Variants in ROBO1 observed in about 807,000 individuals in gnomAD.
ROBO1 encodes roundabout guidance receptor 1, also known as roundabout homolog 1.
A neutral mutation model predicts 195.9 loss-of-function variants in ROBO1; 149 were observed. That is an observed-to-expected ratio of 0.76 (90% CI 0.67 to 0.87). The LOEUF is 0.87. Ranked by LOEUF, ROBO1 falls within the 40% of genes least tolerant of loss-of-function variation. The probability of loss-of-function intolerance (pLI) is 0.00; values close to 1 mark genes in which losing one functional copy is unlikely to be tolerated. For missense variants in ROBO1, 1,933 were observed against 2,068.3 expected (o/e 0.93, Z 1.27); for synonymous variants, 816 against 733.2 (o/e 1.11, Z -1.82).
At chr3:78,780,310 G>A (rs1350254973) in intron 4 of ROBO1, among the ~76,000 whole-genome samples, 1 of 152,124 alleles carries the variant, frequency 6.6e-6, no homozygotes, top group African/African-American at 2.4e-5. Flanking sequence ...ACAGCTACGT[G>A]TTAAAGCAGC....
rs2081704097 is a variant in ROBO1 at position 78,711,356 on chromosome 3, TTCCTTCCTTCCTTC to T, written c.1045+3027_1045+3040del. On this transcript the variant is annotated intron_variant, in intron 8 of 30. Transcript: ENST00000464233. The stretch of plus-strand genomic sequence containing the variant: ...CCTTCCTTCCTTCCTTCCTCCTTCC[TTCCTTCCTTCCTTC>T]CTTCCTTCCTTCCTTCCTTCCTTCC... Among the ~76,000 whole-genome samples the T allele has an allele frequency of 2.7e-4, 11 of 40,238 alleles. 1 individual carries two copies. Among genetic ancestry groups the T allele is most frequent in the African/African-American group, 1.0e-3 (8 of 7,646 alleles). 26.4% of individuals were successfully genotyped at this position (40,238 alleles called of 152,430 possible). A position where few individuals can be genotyped will look rare whatever the true frequency, so the allele number is the denominator to read the frequency against.
intron 2 of ROBO1, among the ~76,000 whole-genome samples, chr3:79,466,112 T>C (rs1443765279): frequency 1.3e-5 from 2 of 152,138 alleles, no homozygotes; most frequent in African/African-American, 2.4e-5. Flanking sequence ...ATTTATTTTC[T>C]CTGTGACCAA....
chr3:79,728,578 G>C (rs1304540408), intron 1 of ROBO1, among the ~76,000 whole-genome samples: 1 of 152,028 alleles, frequency 6.6e-6, no homozygotes, highest in African/African-American at 2.4e-5. Flanking sequence ...TTTAATACTA[G>C]TATTTATAAT....
intron 1 of ROBO1, among the ~76,000 whole-genome samples, chr3:79,709,119 A>G (rs1702176583): frequency 6.6e-6 from 1 of 152,174 alleles, no homozygotes; most frequent in Non-Finnish European, 1.5e-5. Flanking sequence ...AAATAGACAC[A>G]TTTTAACTTA....
chr3:79,184,420 A>G (rs2081399480), intron 2 of ROBO1, among the ~76,000 whole-genome samples: 1 of 152,166 alleles, frequency 6.6e-6, no homozygotes, highest in African/African-American at 2.4e-5. Context: ...TGTCAACTGA[A>G]CTAGTACAAT....
At chr3:79,348,705 C>T (rs2035227323) in intron 2 of ROBO1, among the ~76,000 whole-genome samples, 1 of 152,174 alleles carries the variant, frequency 6.6e-6, no homozygotes, top group Non-Finnish European at 1.5e-5. Flanking sequence ...GAACACTTTT[C>T]AGTGACAACT....
At chr3:78,697,881 T>G (rs1286289500) in intron 8 of ROBO1, among the ~76,000 whole-genome samples, 1 of 152,190 alleles carries the variant, frequency 6.6e-6, no homozygotes, top group African/African-American at 2.4e-5. Flanking sequence ...CGAATGCATC[T>G]ACAATAGGAC....
intron 2 of ROBO1, among the ~76,000 whole-genome samples, chr3:79,129,297 T>C (rs939432943): frequency 3.3e-5 from 5 of 152,114 alleles, no homozygotes; most frequent in Admixed American, 3.3e-4. Flanking sequence ...TATAGGCTTA[T>C]GGTTTATAAA....
chr3:79,349,808 C>A (rs1413869946), intron 2 of ROBO1, among the ~76,000 whole-genome samples: 1 of 152,068 alleles, frequency 6.6e-6, no homozygotes, highest in Non-Finnish European at 1.5e-5. Flanking sequence ...AAAATTAACT[C>A]AAAATGAATC....
At chr3:79,310,098 T>G (rs1234382370) in intron 2 of ROBO1, among the ~76,000 whole-genome samples, 1 of 152,034 alleles carries the variant, frequency 6.6e-6, no homozygotes, top group African/African-American at 2.4e-5. Flanking sequence ...AGGGTAAAGG[T>G]TTTGTATCAC....
chr3:79,696,438 G>A, intron 1 of ROBO1, among the ~76,000 whole-genome samples: 1 of 146,714 alleles, frequency 6.8e-6, no homozygotes, highest in Non-Finnish European at 1.5e-5. Flanking sequence ...TTATTTAGAT[G>A]AAAATAATAT....
chr3:78,966,925 T>C (rs539537755), intron 3 of ROBO1, among the ~76,000 whole-genome samples: 2 of 152,304 alleles, frequency 1.3e-5, no homozygotes, highest in Admixed American at 1.3e-4. Flanking sequence ...TTTGGTTACA[T>C]ATATCTATGT....
intron 2 of ROBO1, among the ~76,000 whole-genome samples, chr3:79,144,571 G>A (rs1397496415): frequency 1.3e-5 from 2 of 151,734 alleles, no homozygotes; most frequent in Non-Finnish European, 2.9e-5. Flanking sequence ...AATGGAGTAC[G>A]TGAACCTAAT....
At chr3:78,991,507 T>C (rs1246408793) in intron 3 of ROBO1, among the ~76,000 whole-genome samples, 2 of 152,150 alleles carry the variant, frequency 1.3e-5, no homozygotes, top group African/African-American at 4.8e-5. Flanking sequence ...GCAGCTGGCA[T>C]TTACCTCCAG....
At chr3:78,813,953 G>C (rs1466829041) in intron 4 of ROBO1, among the ~76,000 whole-genome samples, 1 of 151,926 alleles carries the variant, frequency 6.6e-6, no homozygotes. Context: ...CATTCACTCA[G>C]GTAAATGTTC....
intron 1 of ROBO1, among the ~76,000 whole-genome samples, chr3:79,750,313 G>C (rs1377155174): frequency 1.3e-5 from 2 of 152,156 alleles, no homozygotes; most frequent in African/African-American, 4.8e-5. Context: ...GATTTTACAG[G>C]CTCATAGGCA....
At chr3:79,755,813 C>G (rs17017139) in intron 1 of ROBO1, among the ~76,000 whole-genome samples, 1,894 of 152,280 alleles carry the variant, frequency 0.012, 41 homozygotes, top group African/African-American at 0.044. Flanking sequence ...CTGCAATTCA[C>G]GATCTCAGCA....
intron 2 of ROBO1, among the ~76,000 whole-genome samples, chr3:79,174,288 A>G (rs1309299843): frequency 1.3e-5 from 2 of 151,982 alleles, no homozygotes; most frequent in Non-Finnish European, 2.9e-5. Context: ...GCCCACTGAG[A>G]CGAAGGAACA....
rs975618960 is a variant in ROBO1 at position 78,661,116 on chromosome 3, A to G, written c.2234T>C (p.Val745Ala). ...SVVIPDLRKGVNYEIKARPFF... is the reference protein window; with the variant it reads ...SVVIPDLRKGANYEIKARPFF... ...AGGGCGAGCCTTAATTTCATAGTTG[A>G]CTCCCTTTCTGAGATCAGGGATTAC... The change falls in exon 16 of 31, where the codon GTC becomes GCC. Residue 745 changes from valine (V) to alanine (A), a missense_variant. Val to Ala is a moderately conservative substitution (Grantham distance 64). Transcript: ENST00000464233. 6.2e-7 allele frequency: 1 copy of G among 1,612,776 alleles called. No homozygotes were observed. The highest frequency in any genetic ancestry group is 1.7e-5 in the Admixed American group (1 of 59,900).
Sources: gnomAD v4.1 joint callset for allele counts (sites outside exome capture counted in the v4.1 genomes callset) on GRCh38, gnomAD v4.1.1 for gene constraint, MANE v1.5 for transcripts, NCBI Gene and HGNC (gene_info 2026-07-23, HGNC 2026-07-21) for gene names.